NRG3: variants seen among roughly 807,000 people sequenced by gnomAD.
NRG3 encodes neuregulin 3.
NRG3 carries 31 observed loss-of-function variants against 66.9 expected under a neutral mutation model. That is an observed-to-expected ratio of 0.46 (90% CI 0.35 to 0.63). NRG3 has a LOEUF of 0.63. Among genes scored for constraint, NRG3 ranks in the 20% least tolerant of loss-of-function variants. The probability of loss-of-function intolerance (pLI) is 0.00; values close to 1 mark genes in which losing one functional copy is unlikely to be tolerated. For synonymous variants in NRG3, 393 were observed against 359.4 expected (o/e 1.09, Z -1.06); for missense variants, 910 against 878.9 (o/e 1.04, Z -0.45).
intron 1 of NRG3, among the ~76,000 whole-genome samples, chr10:82,100,987 T>C (rs1352949640): frequency 2.0e-5 from 3 of 152,056 alleles, no homozygotes; most frequent in East Asian, 1.9e-4. Context: ...GTTTTATTTG[T>C]TGGAAAGTTT....
chr10:82,132,388 A>C (rs922929160), intron 1 of NRG3, among the ~76,000 whole-genome samples: 2 of 143,802 alleles, frequency 1.4e-5, no homozygotes, highest in African/African-American at 5.1e-5. Flanking sequence ...AATAAATCCC[A>C]AGTGGTCATG....
At chr10:82,096,855 CA>C (rs1564558016) in intron 1 of NRG3, among the ~76,000 whole-genome samples, 2 of 152,040 alleles carry the variant, frequency 1.3e-5, no homozygotes, top group African/African-American at 2.4e-5. Flanking sequence ...CATGAAATTG[CA>C]AAAGGTATTA....
chr10:82,838,632 A>C (rs2062896828), intron 3 of NRG3, among the ~76,000 whole-genome samples: 1 of 150,670 alleles, frequency 6.6e-6, no homozygotes, highest in African/African-American at 2.5e-5. Flanking sequence ...ATTTTTTTAA[A>C]GAAATAATTG....
intron 2 of NRG3, among the ~76,000 whole-genome samples, chr10:82,494,128 T>C (rs955181680): frequency 6.6e-6 from 1 of 152,190 alleles, no homozygotes; most frequent in Non-Finnish European, 1.5e-5. Context: ...GGAATGCTTT[T>C]ACACTATTGG....
intron 2 of NRG3, among the ~76,000 whole-genome samples, chr10:82,681,140 GA>G (rs1346708863): frequency 2.6e-5 from 4 of 151,944 alleles, no homozygotes; most frequent in South Asian, 2.1e-4. Context: ...ATCATGTGAG[GA>G]AAAAAAACTG....
intron 6 of NRG3, among the ~76,000 whole-genome samples, chr10:82,961,428 T>G (rs1850629329): frequency 6.6e-6 from 1 of 152,230 alleles, no homozygotes; most frequent in Admixed American, 6.5e-5. Context: ...TAACAATTAA[T>G]TTATACCCAC....
At chr10:82,936,161 G>A (rs1469710624) in intron 4 of NRG3, among the ~76,000 whole-genome samples, 1 of 152,128 alleles carries the variant, frequency 6.6e-6, no homozygotes, top group African/African-American at 2.4e-5. Context: ...AAAGTTTATT[G>A]TAAAGGGCAG....
chr10:82,482,685 C>G (rs1371756546), intron 2 of NRG3, among the ~76,000 whole-genome samples: 2 of 152,098 alleles, frequency 1.3e-5, no homozygotes, highest in African/African-American at 2.4e-5. Flanking sequence ...GAGGGCCAGC[C>G]GCCTATTATA....
At chr10:81,913,341 T>C (rs1845355331) in intron 1 of NRG3, among the ~76,000 whole-genome samples, 1 of 152,182 alleles carries the variant, frequency 6.6e-6, no homozygotes, top group Admixed American at 6.5e-5. Flanking sequence ...GTGCTATTAC[T>C]GTCTTTTTAA....
chr10:82,021,458 C>T (rs147979309), intron 1 of NRG3, among the ~76,000 whole-genome samples: 188 of 152,152 alleles, frequency 1.2e-3, no homozygotes, highest in African/African-American at 4.3e-3. Context: ...AGCTGGTTAC[C>T]ATCTTAGCAA....
intron 3 of NRG3, among the ~76,000 whole-genome samples, chr10:82,813,897 A>G (rs1400277453): frequency 6.6e-6 from 1 of 152,320 alleles, no homozygotes; most frequent in East Asian, 1.9e-4. Context: ...ACGTGTGTAC[A>G]CACAGGTCTT....
In NRG3 at chr10:82,785,175, A is replaced by T. The variant is rs535709193; in HGVS notation, c.1027+46525A>T. ...ACAATGAGAGCACATGGACACAGGAAGGGGAACATCACACTCTGGGGGCTG... is the reference window on the plus strand; with the variant it reads ...ACAATGAGAGCACATGGACACAGGATGGGGAACATCACACTCTGGGGGCTG... On this transcript the variant is annotated intron_variant, in intron 3 of 8. Coordinates refer to ENST00000372141, the MANE Select transcript of NRG3 (RefSeq NM_001010848.4). 4.0e-3 allele frequency among the ~76,000 whole-genome samples: 579 copies of T among 146,052 alleles called. 4 individuals are homozygous for T. Among genetic ancestry groups the T allele is most frequent in the African/African-American group, 0.014 (543 of 39,964 alleles).
chr10:81,947,838 G>A (rs1389929388), intron 1 of NRG3, among the ~76,000 whole-genome samples: 1 of 152,048 alleles, frequency 6.6e-6, no homozygotes, highest in Non-Finnish European at 1.5e-5. Context: ...AACCCCCTCA[G>A]TGAGAAACTC....
At chr10:82,495,689 G>T (rs1843562344) in intron 2 of NRG3, among the ~76,000 whole-genome samples, 1 of 152,028 alleles carries the variant, frequency 6.6e-6, no homozygotes, top group South Asian at 2.1e-4. Flanking sequence ...AAAGGTCTTA[G>T]CAGAAGCCCT....
chr10:81,898,721 G>C (rs1205253041), intron 1 of NRG3, among the ~76,000 whole-genome samples: 13 of 151,752 alleles, frequency 8.6e-5, no homozygotes, highest in Admixed American at 5.9e-4. Flanking sequence ...TTGTACAAGG[G>C]AGAAATACTT....
chr10:82,181,639 T>C (rs1467196147), intron 1 of NRG3, among the ~76,000 whole-genome samples: 1 of 151,896 alleles, frequency 6.6e-6, no homozygotes, highest in Non-Finnish European at 1.5e-5. Flanking sequence ...GATAAGTTAG[T>C]CCTCTTAAAT....
At chr10:82,631,587 G>GT (rs2049838165) in intron 2 of NRG3, among the ~76,000 whole-genome samples, 3 of 143,918 alleles carry the variant, frequency 2.1e-5, no homozygotes, top group African/African-American at 7.7e-5. Flanking sequence ...CTTCAGCCGT[G>GT]GTTTTTTTTT....
At chr10:82,512,428 G>T (rs1333953510) in intron 2 of NRG3, among the ~76,000 whole-genome samples, 2 of 152,020 alleles carry the variant, frequency 1.3e-5, no homozygotes, top group Non-Finnish European at 2.9e-5. Context: ...TGAGATTATA[G>T]GCATATGCCA....
Position 82,281,818 on chromosome 10 carries a change from TTTTG to T in NRG3, c.824-76905_824-76902del, listed in dbSNP as rs758621048. 6.9e-4 allele frequency among the ~76,000 whole-genome samples: 105 copies of T among 152,192 alleles called. 1 individual carries two copies. The South Asian group carries it at 0.01, about 15-fold the overall frequency. On this transcript the variant is annotated intron_variant, in intron 1 of 8. Coordinates refer to ENST00000372141, the MANE Select transcript of NRG3 (RefSeq NM_001010848.4). ...TGTATTTCCCTTGCCCCATGTCAGG[TTTTG>T]TTTGTTTGTTTGTTTTTGTCTGTAT...
Sources: allele counts gnomAD v4.1 joint callset (sites outside exome capture counted in the v4.1 genomes callset), GRCh38; gene constraint gnomAD v4.1.1; transcripts MANE v1.5; gene names NCBI Gene and HGNC (gene_info 2026-07-23, HGNC 2026-07-21).